Variants in SLC4A10 observed in about 807,000 individuals in gnomAD.
SLC4A10 encodes sodium-driven chloride bicarbonate exchanger.
Under a neutral mutation model 137.7 loss-of-function variants are expected in SLC4A10, and 42 were observed. That is an observed-to-expected ratio of 0.30 (90% CI 0.24 to 0.39). The LOEUF (loss-of-function observed/expected upper bound fraction) is 0.39, where lower values mean the gene tolerates loss of function less well. Among genes scored for constraint, SLC4A10 ranks in the 10% least tolerant of loss-of-function variants. SLC4A10 has a pLI of 1.00. For missense variants in SLC4A10, 925 were observed against 1,355.0 expected, an observed-to-expected ratio of 0.68 and a Z score of 4.98; for synonymous variants, 474 against 464.1, an observed-to-expected ratio of 1.02 and a Z score of -0.27.
intron 4 of SLC4A10, among the ~76,000 whole-genome samples, chr2:161,843,099 A>AAC (rs926222746): frequency 1.2e-4 from 19 of 152,154 alleles, no homozygotes; most frequent in Non-Finnish European, 2.6e-4. Flanking sequence ...GTAAAATTGG[A>AAC]ATATATATTT....
chr2:161,841,779 T>C (rs1008673623), intron 4 of SLC4A10, among the ~76,000 whole-genome samples: 2 of 152,198 alleles, frequency 1.3e-5, no homozygotes, highest in African/African-American at 2.4e-5. Context: ...TCACAAGGTA[T>C]AGGATGGCAG....
At chr2:161,830,277 A>G (rs568896795) in intron 3 of SLC4A10, among the ~76,000 whole-genome samples, 2 of 151,984 alleles carry the variant, frequency 1.3e-5, no homozygotes, top group East Asian at 3.8e-4. Flanking sequence ...TTAAGAATCT[A>G]TTTTCCTCTT....
intron 1 of SLC4A10, among the ~76,000 whole-genome samples, chr2:161,733,163 C>A (rs1252324135): frequency 6.6e-6 from 1 of 152,152 alleles, no homozygotes; most frequent in Non-Finnish European, 1.5e-5. Flanking sequence ...TGTTAATCCC[C>A]AAGACAATGG....
chr2:161,940,004 C>A (rs1002434147), intron 15 of SLC4A10, among the ~76,000 whole-genome samples: 2 of 152,056 alleles, frequency 1.3e-5, no homozygotes, highest in African/African-American at 2.4e-5. Context: ...GCTCTGCAGA[C>A]CCTCTCCCCA....
Position 161,804,431 on chromosome 2 carries a change from G to T in SLC4A10, c.131-18G>T, listed in dbSNP as rs1242559594. 4.4e-6 allele frequency: 7 copies of T among 1,604,940 alleles called. No individual in the cohort carries two copies. Among genetic ancestry groups the T allele is most frequent in the Non-Finnish European group, 6.0e-6 (7 of 1,175,286 alleles). Reference sequence around the variant, plus strand: ...GAATAATTCAGAGTTTAATTTGTGGGTTTGCTTCCTTATGAAGGTCATCGA... The same window carrying T: ...GAATAATTCAGAGTTTAATTTGTGGTTTTGCTTCCTTATGAAGGTCATCGA... On this transcript the variant is annotated intron_variant, in intron 2 of 26. Transcript: ENST00000446997.
At chr2:161,690,144 A>C (rs752929236) in intron 1 of SLC4A10, among the ~76,000 whole-genome samples, 1 of 152,236 alleles carries the variant, frequency 6.6e-6, no homozygotes, top group Non-Finnish European at 1.5e-5. Context: ...GGACATGAAC[A>C]GACACTTCTC....
intron 15 of SLC4A10, among the ~76,000 whole-genome samples, chr2:161,940,691 G>A (rs1233599594): frequency 1.3e-5 from 2 of 152,226 alleles, no homozygotes; most frequent in South Asian, 2.1e-4. Context: ...AAGCAATTAA[G>A]GGGAGGTTGG....
At chr2:161,964,806 T>A (rs960660483) in intron 22 of SLC4A10, among the ~76,000 whole-genome samples, 2 of 152,154 alleles carry the variant, frequency 1.3e-5, no homozygotes, top group Non-Finnish European at 2.9e-5. Flanking sequence ...TTATAGGTTT[T>A]TTAAAATAGC....
At chr2:161,630,583 A>G (rs2033353377) in intron 1 of SLC4A10, among the ~76,000 whole-genome samples, 1 of 151,790 alleles carries the variant, frequency 6.6e-6, no homozygotes, top group South Asian at 2.1e-4. Context: ...ATGCTAGTTA[A>G]TGGCAGAACT....
intron 3 of SLC4A10, among the ~76,000 whole-genome samples, chr2:161,818,619 A>G (rs1247571749): frequency 3.3e-5 from 5 of 152,182 alleles, no homozygotes; most frequent in Admixed American, 2.0e-4. Context: ...TGGGTTTGTC[A>G]TAGATAGCTC....
chr2:161,762,898 G>A (rs7583212), intron 1 of SLC4A10, among the ~76,000 whole-genome samples: 13,299 of 151,936 alleles, frequency 0.088, 840 homozygotes, highest in African/African-American at 0.18. Flanking sequence ...TAAAATATAT[G>A]TGTCCATATA....
At chr2:161,903,476 G>C (rs148776135) in intron 12 of SLC4A10, among the ~76,000 whole-genome samples, 12 of 152,214 alleles carry the variant, frequency 7.9e-5, no homozygotes, top group Non-Finnish European at 4.4e-5. Context: ...AGGGATTTTT[G>C]TTTGTTTGTT....
chr2:161,862,940 A>T lies in SLC4A10; in HGVS notation c.644A>T (p.Glu215Val). ...LNEDVRHRVH[E>V]ALMKQHHHQN... ...GAAGATGTACGCCATAGGGTCCATGAGGCATTGATGAAACAGCATCATCAT... is the reference window on the plus strand; with the variant it reads ...GAAGATGTACGCCATAGGGTCCATGTGGCATTGATGAAACAGCATCATCAT... The change falls in exon 6 of 27, where the codon GAG (glutamate) becomes GTG (valine). Residue 215 changes from glutamate to valine, a missense_variant. Physicochemically the swap from Glu to Val is moderately radical, Grantham distance 121 (BLOSUM62 -2). Coordinates refer to ENST00000446997, the MANE Select transcript of SLC4A10 (RefSeq NM_001178015.2). 1 of 1,613,670 alleles carries T rather than the reference A, an allele frequency of 6.2e-7. No individual in the cohort carries two copies. The highest frequency in any genetic ancestry group is 1.1e-5 in the South Asian group (1 of 90,972).
At chr2:161,965,271 G>A in intron 23 of SLC4A10, 98 bp downstream of exon 23, 3 of 1,302,446 alleles carry the variant, frequency 2.3e-6, no homozygotes, top group East Asian at 2.8e-5. Flanking sequence ...AGACAGTTTT[G>A]TCTTTAGACA....
At chr2:161,922,573 A>G (rs1173483522) in intron 15 of SLC4A10, among the ~76,000 whole-genome samples, 2 of 152,194 alleles carry the variant, frequency 1.3e-5, no homozygotes, top group Admixed American at 6.5e-5. Context: ...CTTGCATTCT[A>G]GTGCTATGTA....
chr2:161,967,241 C>T (rs1697760499), intron 23 of SLC4A10, among the ~76,000 whole-genome samples: 1 of 152,118 alleles, frequency 6.6e-6, no homozygotes, highest in Admixed American at 6.6e-5. Flanking sequence ...TCTACATTGG[C>T]TCAGTGTGAG....
Position 161,811,764 on chromosome 2 carries a change from G to A in SLC4A10, c.277+7169G>A, listed in dbSNP as rs774353446. Reference sequence around the variant, plus strand: ...GCTGAAACCTTTCTTCCTATTAAACGGTTAAAACTGCAAGAAAATAAGGAA... The same window carrying A: ...GCTGAAACCTTTCTTCCTATTAAACAGTTAAAACTGCAAGAAAATAAGGAA... On this transcript the variant is annotated intron_variant, in intron 3 of 26. Transcript: ENST00000446997. Among the ~76,000 whole-genome samples, 10 of 151,744 alleles carry A rather than the reference G, an allele frequency of 6.6e-5. No homozygotes were observed. The South Asian group carries it at 1.3e-3, about 19-fold the overall frequency.
intron 3 of SLC4A10, among the ~76,000 whole-genome samples, chr2:161,825,189 A>G (rs1323242437): frequency 1.3e-5 from 2 of 152,194 alleles, no homozygotes; most frequent in African/African-American, 2.4e-5. Context: ...CAAAAGTTAT[A>G]TACAGATTTT....
At chr2:161,855,808 A>T (rs981861099) in intron 5 of SLC4A10, among the ~76,000 whole-genome samples, 15 of 152,122 alleles carry the variant, frequency 9.9e-5, no homozygotes, top group African/African-American at 3.6e-4. Context: ...ATTTTGAAAG[A>T]GTATAAATGA....
Sources: gnomAD v4.1 joint callset for allele counts (sites outside exome capture counted in the v4.1 genomes callset) on GRCh38, gnomAD v4.1.1 for gene constraint, MANE v1.5 for transcripts, NCBI Gene and HGNC (gene_info 2026-07-23, HGNC 2026-07-21) for gene names.